Variants in IFT25 observed in about 807,000 individuals in gnomAD.
IFT25 encodes the protein intraflagellar transport 25.
the IFT25 span, among the ~76,000 whole-genome samples, chr1:53,940,646 G>A: frequency 6.6e-6 from 1 of 152,092 alleles, no homozygotes; most frequent in African/African-American, 2.4e-5. Context: ...AAGGTATAAA[G>A]TCTTAATGTC....
the IFT25 span, chr1:53,928,372 C>T: frequency 6.2e-7 from 1 of 1,609,428 alleles, no homozygotes; most frequent in African/African-American, 1.3e-5. Context: ...AAACACATAC[C>T]TTTTTCAATC....
the IFT25 span, among the ~76,000 whole-genome samples, chr1:53,933,986 TATATA>T: frequency 2.2e-4 from 33 of 152,330 alleles, no homozygotes; most frequent in Admixed American, 3.9e-4. Flanking sequence ...ATATTTTACA[TATATA>T]ATATATCCCA....
chr1:53,944,663 G>T, the IFT25 span, among the ~76,000 whole-genome samples: 1 of 152,110 alleles, frequency 6.6e-6, no homozygotes, highest in African/African-American at 2.4e-5. Context: ...CAAAGTGCAG[G>T]TTTGGGAGGT....
At chr1:53,939,972 T>C in the IFT25 span, 2 of 1,463,970 alleles carry the variant, frequency 1.4e-6, no homozygotes, top group Non-Finnish European at 1.9e-6. Flanking sequence ...CAACAAAGTA[T>C]AGTAACTCTT....
At chr1:53,925,496 T>TA in the IFT25 span, among the ~76,000 whole-genome samples, 34 of 146,140 alleles carry the variant, frequency 2.3e-4, no homozygotes, top group East Asian at 1.0e-3. Context: ...CCATCTCTAC[T>TA]AAAAAAAAAA....
At chr1:53,935,775 G>A in the IFT25 span, among the ~76,000 whole-genome samples, 1 of 151,818 alleles carries the variant, frequency 6.6e-6, no homozygotes, top group Non-Finnish European at 1.5e-5. Flanking sequence ...GCCCAGCCAA[G>A]GCCAGCTCTC....
At chr1:53,931,897 C>T in the IFT25 span, among the ~76,000 whole-genome samples, 1 of 152,016 alleles carries the variant, frequency 6.6e-6, no homozygotes, top group Non-Finnish European at 1.5e-5. Flanking sequence ...GTTTAATTTG[C>T]TCATTTTTTT....
At chr1:53,939,029 G>A in the IFT25 span, among the ~76,000 whole-genome samples, 3 of 142,562 alleles carry the variant, frequency 2.1e-5, no homozygotes, top group Admixed American at 7.2e-5. Context: ...AGCCGAGATC[G>A]TGCCATTGCA....
the IFT25 span, among the ~76,000 whole-genome samples, chr1:53,938,842 A>C: frequency 6.6e-5 from 10 of 152,202 alleles, no homozygotes; most frequent in Non-Finnish European, 1.3e-4. Context: ...TGAGAGGCCA[A>C]GGCGGGCGAA....
At chr1:53,943,575 T>G in the IFT25 span, among the ~76,000 whole-genome samples, 1 of 152,084 alleles carries the variant, frequency 6.6e-6, no homozygotes, top group Non-Finnish European at 1.5e-5. Context: ...GGGGAAACTA[T>G]GCAGTAATCT....
the IFT25 span, chr1:53,930,218 C>T: frequency 7.2e-7 from 1 of 1,382,858 alleles, no homozygotes; most frequent in Non-Finnish European, 9.7e-7. Context: ...TATTGAATAC[C>T]TGTTTTTTAA....
the IFT25 span, among the ~76,000 whole-genome samples, chr1:53,926,071 C>T: frequency 7.3e-6 from 1 of 136,718 alleles, no homozygotes; most frequent in Admixed American, 7.6e-5. Flanking sequence ...CACTGCACTC[C>T]AGTCTCAAAA....
the IFT25 span, among the ~76,000 whole-genome samples, chr1:53,925,205 C>T: frequency 6.6e-6 from 1 of 152,118 alleles, no homozygotes; most frequent in African/African-American, 2.4e-5. Flanking sequence ...TACCTCCTCT[C>T]AAATTTGAAA....
chr1:53,934,002 T>C, the IFT25 span, among the ~76,000 whole-genome samples: 1 of 152,174 alleles, frequency 6.6e-6, no homozygotes, highest in Admixed American at 6.5e-5. Context: ...ATATATCCCA[T>C]AATACAGTTT....
chr1:53,920,057 C>A, the IFT25 span, among the ~76,000 whole-genome samples: 2 of 151,774 alleles, frequency 1.3e-5, no homozygotes, highest in East Asian at 3.9e-4. Context: ...CCTTGGCCTC[C>A]CAAAGTGCTG....
chr1:53,933,179 A>G, the IFT25 span, among the ~76,000 whole-genome samples: 10 of 129,142 alleles, frequency 7.7e-5, no homozygotes, highest in Non-Finnish European at 1.3e-4. Flanking sequence ...TCTGTCGCCC[A>G]GGCTGGAGCG....
At chr1:53,912,143 T>C in the IFT25 span, among the ~76,000 whole-genome samples, 2 of 152,148 alleles carry the variant, frequency 1.3e-5, no homozygotes, top group African/African-American at 4.8e-5. Context: ...AGTACTAAGT[T>C]GCACAAAAGG....
the IFT25 span, among the ~76,000 whole-genome samples, chr1:53,932,333 C>T: frequency 7.6e-6 from 1 of 131,060 alleles, no homozygotes; most frequent in African/African-American, 2.7e-5. Context: ...AACTCCATCT[C>T]AAAAAAAAAA....
the IFT25 span, among the ~76,000 whole-genome samples, chr1:53,933,756 C>T: frequency 6.6e-6 from 1 of 152,098 alleles, no homozygotes; most frequent in East Asian, 1.9e-4. Flanking sequence ...GTCTACCATC[C>T]TGCTATTCAT....
Sources: allele counts gnomAD v4.1 joint callset (sites outside exome capture counted in the v4.1 genomes callset), GRCh38; gene constraint gnomAD v4.1.1; transcripts MANE v1.5; gene names NCBI Gene and HGNC (gene_info 2026-07-23, HGNC 2026-07-21).